The following TPTE2 variants were observed in gnomAD, a reference collection of about 807,000 sequenced individuals.
TPTE2 encodes phosphatidylinositol 3,4,5-trisphosphate 3-phosphatase TPTE2.
In TPTE2, 53 loss-of-function variants were observed where a neutral mutation model predicts 78.6. The ratio of observed to expected loss-of-function variants is 0.67; its 90% CI spans 0.54 to 0.85. The LOEUF (loss-of-function observed/expected upper bound fraction) is 0.85, where lower values mean the gene tolerates loss of function less well. TPTE2 is among the 40% of genes least tolerant of loss of function. The pLI, the probability that TPTE2 is intolerant of heterozygous loss-of-function variation, is 0.00. For missense variants in TPTE2, 461 were observed against 623.0 expected, an observed-to-expected ratio of 0.74 and a Z score of 2.77; for synonymous variants, 175 against 206.2, an observed-to-expected ratio of 0.85 and a Z score of 1.30.
At chr13:19,534,175 T>C (rs1225296234) in intron 1 of TPTE2, among the ~76,000 whole-genome samples, 2 of 152,194 alleles carry the variant, frequency 1.3e-5, no homozygotes, top group Non-Finnish European at 2.9e-5. Flanking sequence ...CAAAATCATC[T>C]AACACAAATC....
intron 15 of TPTE2, among the ~76,000 whole-genome samples, chr13:19,433,564 A>T (rs954300870): frequency 6.6e-6 from 1 of 152,122 alleles, no homozygotes; most frequent in African/African-American, 2.4e-5. Context: ...TTCCTTACCC[A>T]TTGGGAAATG....
the TPTE2 span, among the ~76,000 whole-genome samples, chr13:19,543,918 C>G: frequency 6.6e-6 from 1 of 151,488 alleles, no homozygotes; most frequent in East Asian, 2.0e-4. Flanking sequence ...CAAAATTTAG[C>G]TAGGTGTGAT....
chr13:19,493,320 G>T (rs1881116838), intron 2 of TPTE2, 128 bp downstream of exon 5: 2 of 547,186 alleles, frequency 3.7e-6, no homozygotes, highest in African/African-American at 6.3e-5. Flanking sequence ...GAGAAGTGTG[G>T]ATGGATGGAT....
chr13:19,533,634 C>G (rs1436261966), intron 1 of TPTE2, among the ~76,000 whole-genome samples: 1 of 152,150 alleles, frequency 6.6e-6, no homozygotes, highest in Non-Finnish European at 1.5e-5. Context: ...AATACATTAC[C>G]TCATTCAATT....
chr13:19,486,477 G>A lies in TPTE2; in HGVS notation c.120-3930C>T, dbSNP rs1880669821. 1.3e-5 allele frequency among the ~76,000 whole-genome samples: 2 copies of A among 152,170 alleles called. No homozygotes were observed. The highest frequency in any genetic ancestry group is 1.5e-5 in the Non-Finnish European group (1 of 68,026). On this transcript the variant is annotated intron_variant, in intron 3 of 19. Transcript: ENST00000400230. This position sits in a 1 kb window ranked among gnomAD's most constrained non-coding sequence, Gnocchi z 4.3. The stretch of plus-strand genomic sequence containing the variant: ...TGCTGTCACTCTAGCCAGGAGCATG[G>A]GGATGCAGTTGCTCAACCAGGGCAT...
At chr13:19,493,744 T>G in intron 1 of TPTE2, 1 of 528,094 alleles carries the variant, frequency 1.9e-6, no homozygotes, top group South Asian at 1.9e-5. Context: ...ACCTCTTTAT[T>G]ATGACCTCAG....
the TPTE2 span, chr13:19,560,004 CCCCTCG>C: frequency 0.11 from 57,400 of 506,008 alleles, 3,403 homozygotes; most frequent in Middle Eastern, 0.24. Flanking sequence ...ACCAGTCCCA[CCCCTCG>C]CCTCAGTCCA....
chr13:19,461,933 C>CTTTTTT (rs60926599), intron 10 of TPTE2, among the ~76,000 whole-genome samples: 25 of 134,364 alleles, frequency 1.9e-4, no homozygotes, highest in African/African-American at 5.6e-4. Flanking sequence ...ACAGTTGGGT[C>CTTTTTT]TTTTTTTTTT....
At chr13:19,541,897 T>C in the TPTE2 span, among the ~76,000 whole-genome samples, 1 of 152,184 alleles carries the variant, frequency 6.6e-6, no homozygotes, top group African/African-American at 2.4e-5. Flanking sequence ...TTATATAAGA[T>C]TGGAATTATT....
intron 2 of TPTE2, 83 bp downstream of exon 5, chr13:19,493,365 A>C: frequency 7.9e-7 from 1 of 1,268,012 alleles, no homozygotes; most frequent in Non-Finnish European, 1.2e-6. Flanking sequence ...GGATGGATAT[A>C]TTTGCTCATA....
intron 1 of TPTE2, among the ~76,000 whole-genome samples, chr13:19,496,464 G>A (rs1313420655): frequency 2.0e-5 from 3 of 152,104 alleles, no homozygotes; most frequent in Admixed American, 6.5e-5. Flanking sequence ...TCTCCATCAC[G>A]TCTTTCCTTT....
upstream of TPTE2, among the ~76,000 whole-genome samples, chr13:19,506,349 A>G (rs1486358330): frequency 6.7e-6 from 1 of 148,658 alleles, no homozygotes; most frequent in African/African-American, 2.5e-5. Flanking sequence ...TTTTTTTTGT[A>G]TTTTTAGTAG....
At chr13:19,526,642 C>T (rs111286790) in intron 1 of TPTE2, among the ~76,000 whole-genome samples, 4,477 of 149,228 alleles carry the variant, frequency 0.03, 104 homozygotes, top group African/African-American at 0.095. Context: ...AGTGACAAAA[C>T]AATCTGTGCA....
upstream of TPTE2, among the ~76,000 whole-genome samples, chr13:19,541,197 CCTT>C (rs1231536570): frequency 1.3e-5 from 2 of 152,188 alleles, no homozygotes; most frequent in Admixed American, 6.5e-5. Context: ...CATTCACAGG[CCTT>C]CTTACAACAT....
intron 10 of TPTE2, among the ~76,000 whole-genome samples, chr13:19,452,269 T>C (rs1878233268): frequency 1.3e-5 from 2 of 152,086 alleles, no homozygotes; most frequent in Non-Finnish European, 2.9e-5. Flanking sequence ...CTATGAGAAA[T>C]TTAAGCAAAT....
intron 13 of TPTE2, among the ~76,000 whole-genome samples, chr13:19,441,517 A>G (rs979849038): frequency 6.6e-6 from 1 of 152,244 alleles, no homozygotes; most frequent in Non-Finnish European, 1.5e-5. Context: ...TCAGAAATCT[A>G]TAATAATGCA....
chr13:19,448,928 G>A (rs925389370), intron 13 of TPTE2, among the ~76,000 whole-genome samples: 1 of 152,068 alleles, frequency 6.6e-6, no homozygotes, highest in Non-Finnish European at 1.5e-5. Flanking sequence ...AAGAATATGT[G>A]GTATATATAA....
At chr13:19,547,261 A>T in the TPTE2 span, among the ~76,000 whole-genome samples, 1 of 152,232 alleles carries the variant, frequency 6.6e-6, no homozygotes, top group South Asian at 2.1e-4. Context: ...GTTCAAGACC[A>T]GCCTGGGCAA....
intron 19 of TPTE2, among the ~76,000 whole-genome samples, chr13:19,423,779 G>A (rs1026065438): frequency 6.6e-6 from 1 of 152,122 alleles, no homozygotes; most frequent in African/African-American, 2.4e-5. Context: ...ATAAAAGTAA[G>A]AATAAAAGTG....
Sources: allele counts gnomAD v4.1 joint callset (sites outside exome capture counted in the v4.1 genomes callset), GRCh38; gene constraint gnomAD v4.1.1; non-coding constraint Gnocchi (gnomAD v3.1); transcripts MANE v1.5; gene names NCBI Gene and HGNC (gene_info 2026-07-23, HGNC 2026-07-21).